The following GUCY1B1 variants were observed in gnomAD, a reference collection of about 807,000 sequenced individuals.
GUCY1B1 encodes the protein guanylate cyclase 1 soluble subunit beta 1, also known as guanylate cyclase soluble subunit beta-1.
GUCY1B1 carries 43 observed loss-of-function variants against 71.0 expected under a neutral mutation model. The observed-to-expected ratio is 0.61, with a 90% confidence interval of 0.47 to 0.78. The LOEUF is 0.78. GUCY1B1 is among the 30% of genes least tolerant of loss of function. The pLI, the probability that GUCY1B1 is intolerant of heterozygous loss-of-function variation, is 0.00. For synonymous variants in GUCY1B1, 266 were observed against 259.7 expected (o/e 1.02, Z -0.23); for missense variants, 535 against 754.1 (o/e 0.71, Z 3.40).
chr4:155,791,272 G>A (rs536401342), intron 5 of GUCY1B1, among the ~76,000 whole-genome samples: 1 of 151,040 alleles, frequency 6.6e-6, no homozygotes, highest in South Asian at 2.1e-4. Context: ...CCACCACCAC[G>A]CCCGGCTAAT....
chr4:155,774,811 G>A (rs1041140870), intron 2 of GUCY1B1, among the ~76,000 whole-genome samples, 157 bp from the exon 3 acceptor site: 1 of 152,090 alleles, frequency 6.6e-6, no homozygotes, highest in Non-Finnish European at 1.5e-5. Context: ...TCTCTCACTA[G>A]AATTTTAGGT....
At chr4:155,791,604 G>A (rs1346980462) in intron 5 of GUCY1B1, among the ~76,000 whole-genome samples, 1 of 150,768 alleles carries the variant, frequency 6.6e-6, no homozygotes, top group Non-Finnish European at 1.5e-5. Context: ...GGTGGCGGGC[G>A]CCTATAATCC....
At chr4:155,764,503 T>C (rs3796562) in intron 2 of GUCY1B1, among the ~76,000 whole-genome samples, 8,391 of 152,292 alleles carry the variant, frequency 0.055, 1,157 homozygotes, top group East Asian at 0.49. Flanking sequence ...GGTTTAATGC[T>C]TCTTTTAAGA....
intron 4 of GUCY1B1, among the ~76,000 whole-genome samples, chr4:155,786,806 C>A (rs1322030243): frequency 6.6e-6 from 1 of 151,684 alleles, no homozygotes; most frequent in African/African-American, 2.4e-5. Context: ...TGGGGTTTCA[C>A]CATGTTGGCC....
intron 2 of GUCY1B1, among the ~76,000 whole-genome samples, chr4:155,773,007 T>G (rs1427819428): frequency 6.6e-6 from 1 of 152,212 alleles, no homozygotes; most frequent in East Asian, 1.9e-4. Flanking sequence ...ATAGCACAGC[T>G]TCTGAAGGAG....
Position 155,802,598 on chromosome 4 carries a change from T to C in GUCY1B1, c.1413+19T>C. ...TTATAAGGCAAGTGTTCTTTATCGC[T>C]GACTGCAGAGCTATCCAGAGGCTGG... On this transcript the variant is annotated intron_variant, in intron 10 of 13. Transcript: ENST00000264424. This position sits in a 1 kb window ranked among gnomAD's most constrained non-coding sequence, Gnocchi z 4.3. The C allele has an allele frequency of 6.5e-7, 1 of 1,545,996 alleles. No homozygotes were observed. Among genetic ancestry groups the C allele is most frequent in the African/African-American group, 1.4e-5 (1 of 73,966 alleles).
intron 9 of GUCY1B1, 44 bp downstream of exon 9, chr4:155,800,118 A>G (rs757663507): frequency 7.6e-7 from 1 of 1,316,042 alleles, no homozygotes; most frequent in East Asian, 2.4e-5. Flanking sequence ...TCATAACATA[A>G]TGTGACTCTA....
Position 155,805,191 on chromosome 4 carries a change from C to T in GUCY1B1, c.1798C>T (p.Gln600Ter). The T allele has an allele frequency of 6.2e-7, 1 of 1,611,006 alleles. No individual in the cohort carries two copies. Among genetic ancestry groups the T allele is most frequent in the Non-Finnish European group, 8.5e-7 (1 of 1,178,016 alleles). Residue 600 changes from glutamine (Q) to a stop codon, truncating the protein, a stop_gained, in exon 13 of 14, where the codon CAA becomes TAA. Transcript: ENST00000264424. LOFTEE classifies it high-confidence loss of function. ...VSMKGKKEPM[Q>*]VWFLSRKNTG... Reference sequence around the variant, plus strand: ...CATGAAGGGCAAAAAAGAACCAATGCAAGTTTGGTTTCTATCCAGAAAAAA... The same window carrying T: ...CATGAAGGGCAAAAAAGAACCAATGTAAGTTTGGTTTCTATCCAGAAAAAA...
intron 5 of GUCY1B1, among the ~76,000 whole-genome samples, chr4:155,791,372 T>C (rs1027559218): frequency 1.1e-4 from 16 of 148,094 alleles, no homozygotes; most frequent in South Asian, 2.2e-4. Flanking sequence ...GGCTCGGCCT[T>C]CCAAAGTGCT....
rs377647535 is a variant in GUCY1B1 at position 155,806,398 on chromosome 4, G to C, written c.1849G>C (p.Asp617His). The C allele has an allele frequency of 1.9e-6, 3 of 1,605,004 alleles. No homozygotes were observed. Among genetic ancestry groups the C allele is most frequent in the Non-Finnish European group, 2.6e-6 (3 of 1,172,270 alleles). Residue 617 changes from aspartate to histidine, a missense_variant, in exon 14 of 14, where the codon GAT (aspartate) becomes CAT (histidine). Physicochemically the swap from Asp to His is moderately conservative, Grantham distance 81 (BLOSUM62 -1). Coordinates refer to ENST00000264424, the MANE Select transcript of GUCY1B1 (RefSeq NM_000857.5). Reference protein sequence around the residue: ...KNTGTEETKQDDD With the variant: ...KNTGTEETKQHDD ...CTGCCTATTTAAGGAAACAAAGCAG[G>C]ATGATGACTGAATCTTGGATTATGG...
At chr4:155,796,995 C>T (rs551906861) in intron 8 of GUCY1B1, among the ~76,000 whole-genome samples, 1 of 152,248 alleles carries the variant, frequency 6.6e-6, no homozygotes, top group South Asian at 2.1e-4. Flanking sequence ...AATCCAAATA[C>T]ACTGTTCCAA....
chr4:155,774,617 C>G (rs918694318), intron 2 of GUCY1B1, among the ~76,000 whole-genome samples: 1 of 152,166 alleles, frequency 6.6e-6, no homozygotes, highest in Non-Finnish European at 1.5e-5. Context: ...AGAACAATGT[C>G]TGGCACCTAA....
In GUCY1B1 at chr4:155,796,446, C is replaced by A. The variant is rs1481431741; in HGVS notation, c.913C>A (p.Arg305Ser). Residue 305 changes from arginine to serine, a missense_variant, in exon 8 of 14, where the codon CGT (arginine) becomes AGT (serine). Arg to Ser is a moderately radical substitution (Grantham distance 110, BLOSUM62 -1). Coordinates refer to ENST00000264424, the MANE Select transcript of GUCY1B1 (RefSeq NM_000857.5). ...GACTGGGACTGAGATCAGCTGCTTA[C>A]GTCTCAAGGGTCAAATGATCTACTT... ...ELTGTEISCL[R>S]LKGQMIYLPE... The A allele has an allele frequency of 1.2e-6, 2 of 1,609,784 alleles. No individual in the cohort carries two copies. Among genetic ancestry groups the A allele is most frequent in the East Asian group, 2.2e-5 (1 of 44,852 alleles).
chr4:155,787,628 T>C (rs1738886980), intron 4 of GUCY1B1, among the ~76,000 whole-genome samples: 1 of 152,208 alleles, frequency 6.6e-6, no homozygotes, highest in Non-Finnish European at 1.5e-5. Context: ...CATGCAGATC[T>C]GCATCCAAAC....
At chr4:155,804,340 C>T (rs1417433184) in intron 11 of GUCY1B1, among the ~76,000 whole-genome samples, 2 of 152,050 alleles carry the variant, frequency 1.3e-5, no homozygotes, top group Admixed American at 1.3e-4. Flanking sequence ...AGGAGGGGAA[C>T]ATCACACACC....
chr4:155,772,244 C>T (rs7697201), intron 2 of GUCY1B1, among the ~76,000 whole-genome samples: 77,909 of 152,002 alleles, frequency 0.51, 20,266 homozygotes, highest in Middle Eastern at 0.72. Flanking sequence ...ATTTTATGTA[C>T]AGTGCTATAA....
In GUCY1B1 at chr4:155,759,981, C is replaced by G. The variant is rs1736863678; in HGVS notation, c.77+121C>G. On this transcript the variant is annotated intron_variant, in intron 2 of 13. Coordinates refer to ENST00000264424, the MANE Select transcript of GUCY1B1 (RefSeq NM_000857.5). ...CGGGCGCGCATCCTTGGAGGTGCCT[C>G]CGCGCCTCGCTCCCGGCTCGCTGCA... 10 of 646,428 alleles carry G rather than the reference C, an allele frequency of 1.5e-5. No individual in the cohort carries two copies. In the East Asian group the frequency reaches 2.6e-4, roughly 17 times the overall value. 40.0% of individuals were successfully genotyped at this position (646,428 alleles called of 1,614,324 possible). A position where few individuals can be genotyped will look rare whatever the true frequency, so the allele number is the denominator to read the frequency against.
At position 155,806,593 on chromosome 4, in the gene GUCY1B1, T is replaced by G. The variant is rs191434485; in HGVS notation, c.*184T>G. On this transcript the variant is annotated 3_prime_UTR_variant, in exon 14 of 14. Transcript: ENST00000264424. ...TATTCAACCTTAGCTCTGCTTTCTA[T>G]TACTTTTTAGGCTTTAGTATATTAT... 187 of 488,416 alleles carry G rather than the reference T, an allele frequency of 3.8e-4. No homozygotes were observed. Among genetic ancestry groups the G allele is most frequent in the African/African-American group, 3.3e-3 (169 of 50,798 alleles). The allele number at this position is 488,416 out of a possible 1,614,324, so 30.3% of individuals were successfully genotyped here.
At chr4:155,796,559 C>T in intron 8 of GUCY1B1, 49 bp downstream of exon 8, 5 of 1,286,250 alleles carry the variant, frequency 3.9e-6, no homozygotes, top group Non-Finnish European at 4.4e-6. Context: ...CTATCTTTAG[C>T]TAACAAAGGA....
Sources: gnomAD v4.1 joint callset for allele counts (sites outside exome capture counted in the v4.1 genomes callset) on GRCh38, gnomAD v4.1.1 for gene constraint, Gnocchi (gnomAD v3.1) non-coding constraint, MANE v1.5 for transcripts, NCBI Gene and HGNC (gene_info 2026-07-23, HGNC 2026-07-21) for gene names.